The following KCNQ1 variants were observed in gnomAD, a reference collection of about 807,000 sequenced individuals.
The protein encoded by KCNQ1 is potassium voltage-gated channel subfamily KQT member 1.
A neutral mutation model predicts 72.4 loss-of-function variants in KCNQ1; 49 were observed. The ratio of observed to expected loss-of-function variants is 0.68; its 90% CI spans 0.54 to 0.86. The LOEUF is 0.86. KCNQ1 is among the 40% of genes least tolerant of loss of function. The pLI, the probability that KCNQ1 is intolerant of heterozygous loss-of-function variation, is 0.00. For missense variants in KCNQ1, 790 were observed against 945.1 expected, an observed-to-expected ratio of 0.84 and a Z score of 2.15; for synonymous variants, 450 against 412.6, an observed-to-expected ratio of 1.09 and a Z score of -1.10.
chr11:2,744,634 C>A (rs966571363), intron 11 of KCNQ1, among the ~76,000 whole-genome samples: 3 of 152,224 alleles, frequency 2.0e-5, no homozygotes, highest in Admixed American at 1.3e-4. Flanking sequence ...ATGAGACCTT[C>A]ATCCTAGAGC....
rs1037064607 is a variant in KCNQ1 at position 2,663,011 on chromosome 11, G to A, written c.1514+930G>A. 2.5e-5 allele frequency: 10 copies of A among 398,632 alleles called. No homozygotes were observed. The highest frequency in any genetic ancestry group is 1.3e-4 in the Admixed American group (3 of 22,722). The allele number at this position is 398,632 out of a possible 1,614,324, so 24.7% of individuals were successfully genotyped here. ...AGGCCTGGCCTTGCAAATCACTGAGGAAATCGGGACCCATGGTGCTGGGGG... is the reference window on the plus strand; with the variant it reads ...AGGCCTGGCCTTGCAAATCACTGAGAAAATCGGGACCCATGGTGCTGGGGG... On this transcript the variant is annotated intron_variant, in intron 11 of 15. Coordinates refer to ENST00000155840, the MANE Select transcript of KCNQ1 (RefSeq NM_000218.3). The surrounding 1 kb of genome is among the most constrained non-coding windows in gnomAD (Gnocchi z 5.2).
chr11:2,655,981 A>G (rs1355697167), intron 10 of KCNQ1: 3 of 398,490 alleles, frequency 7.5e-6, no homozygotes, highest in East Asian at 3.6e-5. Context: ...TGGGCAGCCA[A>G]CTGATGTGCA....
rs776135794 is a variant in KCNQ1, at chr11:2,818,557, G to T, written c.1795-29210G>T. ...GCCTAGAAACCCCTCTCCACCAGAT[G>T]CCTTACACCCCCCATCCCCACACGC... On this transcript the variant is annotated intron_variant, in intron 15 of 15. Coordinates refer to ENST00000155840, the MANE Select transcript of KCNQ1 (RefSeq NM_000218.3). This position sits in a 1 kb window ranked among gnomAD's most constrained non-coding sequence, Gnocchi z 7.2. Among the ~76,000 whole-genome samples the T allele has an allele frequency of 6.6e-6, 1 of 152,152 alleles. No homozygotes were observed. The highest frequency in any genetic ancestry group is 1.5e-5 in the Non-Finnish European group (1 of 68,012).
At position 2,583,251 on chromosome 11, in the gene KCNQ1, G is replaced by A. The variant is rs1383100885; in HGVS notation, c.922-184G>A. ...ACCTTGTGTGTGACGCCGAGAGCCT[G>A]GGAGACATGTGCCATCCCGCGGCTC... On this transcript the variant is annotated intron_variant, in intron 6 of 15. Transcript: ENST00000155840. Among the ~76,000 whole-genome samples the A allele has an allele frequency of 3.9e-5, 6 of 152,184 alleles. No individual in the cohort carries two copies. The East Asian group carries it at 7.7e-4, about 20-fold the overall frequency.
intron 11 of KCNQ1, among the ~76,000 whole-genome samples, chr11:2,762,000 C>T (rs1312844739): frequency 6.6e-6 from 1 of 152,226 alleles, no homozygotes; most frequent in Admixed American, 6.5e-5. Context: ...GGGGCCGCAT[C>T]CAGACCTTGG....
chr11:2,560,237 A>T (rs1462860792), intron 2 of KCNQ1, among the ~76,000 whole-genome samples: 1 of 23,298 alleles, frequency 4.3e-5, no homozygotes, highest in Non-Finnish European at 7.4e-5. Flanking sequence ...TCCTTGGGGG[A>T]TGGGGGGGTG....
Position 2,603,896 on chromosome 11 carries a change from A to G in KCNQ1, c.1393+15042A>G, listed in dbSNP as rs12799862. Among the ~76,000 whole-genome samples, 32,667 of 151,818 alleles carry G rather than the reference A, an allele frequency of 0.22. 3,863 individuals carry two copies. The highest frequency in any genetic ancestry group is 0.31 in the South Asian group (1,505 of 4,818). ...AGTAGTGACGGGGTTTCGCCATGTT[A>G]GCCAGGCTGGTCTCGAACTCCTGAC... is the stretch of plus-strand genomic sequence containing the variant. On this transcript the variant is annotated intron_variant, in intron 10 of 15. Transcript: ENST00000155840. The surrounding 1 kb of genome is among the most constrained non-coding windows in gnomAD (Gnocchi z 4.1).
Position 2,658,173 on chromosome 11 carries a change from C to T in KCNQ1, c.1394-3788C>T, listed in dbSNP as rs940462109. ...ATTAAAATACATTTCAAGGAAGAAA[C>T]TGTGAAGTTTCTGAGTTTCACTAAC... is the stretch of plus-strand genomic sequence containing the variant. On this transcript the variant is annotated intron_variant, in intron 10 of 15. Coordinates refer to ENST00000155840, the MANE Select transcript of KCNQ1 (RefSeq NM_000218.3). The surrounding 1 kb of genome is among the most constrained non-coding windows in gnomAD (Gnocchi z 4.9). 5 of 398,464 alleles carry T rather than the reference C, an allele frequency of 1.3e-5. No homozygotes were observed. Among genetic ancestry groups the T allele is most frequent in the African/African-American group, 2.1e-5 (1 of 48,616 alleles). 24.7% of individuals were successfully genotyped at this position (398,464 alleles called of 1,614,324 possible). A position where few individuals can be genotyped will look rare whatever the true frequency, so the allele number is the denominator to read the frequency against.
chr11:2,580,250 G>T (rs533462611), intron 6 of KCNQ1, among the ~76,000 whole-genome samples: 6 of 151,488 alleles, frequency 4.0e-5, no homozygotes, highest in Admixed American at 2.6e-4. Context: ...GTTTGTCCTC[G>T]GCTGCCTCGG....
At chr11:2,718,681 G>A (rs1564870145) in intron 11 of KCNQ1, among the ~76,000 whole-genome samples, 1 of 152,178 alleles carries the variant, frequency 6.6e-6, no homozygotes, top group Non-Finnish European at 1.5e-5. Flanking sequence ...CTGGGCTAGG[G>A]CCACTTATAT....
At chr11:2,775,894 C>A in intron 12 of KCNQ1, 66 bp from the exon 13 acceptor site, 1 of 1,483,246 alleles carries the variant, frequency 6.7e-7, no homozygotes, top group Non-Finnish European at 9.2e-7. Context: ...CTGTCACTGC[C>A]TGCACTTTGA....
chr11:2,632,182 CA>C (rs34998500), intron 10 of KCNQ1: 20,291 of 298,822 alleles, frequency 0.068, 4 homozygotes, highest in Middle Eastern at 0.1. Flanking sequence ...GACTCTGCCT[CA>C]AAAAAAAAAA....
In KCNQ1 at chr11:2,529,669, A is replaced by G. The variant is rs569280972; in HGVS notation, c.477+1651A>G. Among the ~76,000 whole-genome samples the G allele has an allele frequency of 1.3e-3, 203 of 152,136 alleles. 2 individuals carry two copies. The highest frequency in any genetic ancestry group is 4.6e-3 in the African/African-American group (191 of 41,486). On this transcript the variant is annotated intron_variant, in intron 2 of 15. Coordinates refer to ENST00000155840, the MANE Select transcript of KCNQ1 (RefSeq NM_000218.3). ...TTCTGCTACAGCCTGTGGTCCTGCT[A>G]CTTCTCGTGACTGTGGTCGTAGAAG...
chr11:2,576,008 CTG>C (rs1448557699), intron 6 of KCNQ1, among the ~76,000 whole-genome samples: 1 of 152,268 alleles, frequency 6.6e-6, no homozygotes, highest in Non-Finnish European at 1.5e-5. Flanking sequence ...CCTCTTTCCT[CTG>C]TGTCAGGCCC....
rs1589989449 is a variant in KCNQ1, at chr11:2,626,342, C to T, written c.1394-35619C>T. 5.0e-6 allele frequency: 2 copies of T among 398,474 alleles called. No individual in the cohort carries two copies. The highest frequency in any genetic ancestry group is 4.1e-5 in the African/African-American group (2 of 48,634). The allele number at this position is 398,474 out of a possible 1,614,324, so 24.7% of individuals were successfully genotyped here. ...TGGTATTAGGTAAGGGTCTCAACTT[C>T]AGTTATCCTGGCACCATTTGTTGAA... is the stretch of plus-strand genomic sequence containing the variant. On this transcript the variant is annotated intron_variant, in intron 10 of 15. Transcript: ENST00000155840. The surrounding 1 kb of genome is among the most constrained non-coding windows in gnomAD (Gnocchi z 4.0).
At position 2,619,874 on chromosome 11, in the gene KCNQ1, A is replaced by T. The variant is rs751473850; in HGVS notation, c.1393+31020A>T. On this transcript the variant is annotated intron_variant, in intron 10 of 15. Transcript: ENST00000155840. ...GGGGTTTTTTTAACTTTTATTTTTG[A>T]TTTAGAGGGTATATGTACAGGTCTA... 6.3e-4 allele frequency: 250 copies of T among 397,860 alleles called. No homozygotes were observed. The highest frequency in any genetic ancestry group is 9.4e-4 in the Non-Finnish European group (213 of 226,006). The allele number at this position is 397,860 out of a possible 1,614,324, so 24.6% of individuals were successfully genotyped here.
At chr11:2,587,489 G>A (rs1214106807) in intron 8 of KCNQ1, 81 bp from the exon 9 acceptor site, 2 of 1,595,540 alleles carry the variant, frequency 1.3e-6, no homozygotes, top group African/African-American at 1.3e-5. Context: ...CTGGGGAACA[G>A]GGAGGGGGAG....
At chr11:2,666,912 C>G (rs957645867) in intron 11 of KCNQ1, 3 of 398,560 alleles carry the variant, frequency 7.5e-6, no homozygotes, top group Non-Finnish European at 1.3e-5. Flanking sequence ...AGTGTCCTGT[C>G]TTCTGCAAAG....
chr11:2,547,070 A>G lies in KCNQ1; in HGVS notation c.477+19052A>G, dbSNP rs912099721. The stretch of plus-strand genomic sequence containing the variant: ...AAACTATTTTTCTCCTGAAAAGTAC[A>G]GCTAATTTGCATTTATTCATAGGAC... On this transcript the variant is annotated intron_variant, in intron 2 of 15. Transcript: ENST00000155840. The surrounding 1 kb of genome is among the most constrained non-coding windows in gnomAD (Gnocchi z 4.2). 6.6e-6 allele frequency among the ~76,000 whole-genome samples: 1 copy of G among 152,254 alleles called. No individual in the cohort carries two copies. The highest frequency in any genetic ancestry group is 1.5e-5 in the Non-Finnish European group (1 of 68,052).
Sources: gnomAD v4.1 joint callset for allele counts (sites outside exome capture counted in the v4.1 genomes callset) on GRCh38, gnomAD v4.1.1 for gene constraint, Gnocchi (gnomAD v3.1) non-coding constraint, MANE v1.5 for transcripts, NCBI Gene and HGNC (gene_info 2026-07-23, HGNC 2026-07-21) for gene names.